ZC3H7A: variants seen among roughly 807,000 people sequenced by gnomAD.
ZC3H7A encodes the protein zinc finger CCCH domain-containing protein 7A.
ZC3H7A carries 44 observed loss-of-function variants against 125.5 expected under a neutral mutation model. The ratio of observed to expected loss-of-function variants is 0.35; its 90% confidence interval spans 0.28 to 0.45. The LOEUF (loss-of-function observed/expected upper bound fraction) is 0.45. ZC3H7A is among the 20% of genes least tolerant of loss of function. The probability of loss-of-function intolerance (pLI) is 1.00; values close to 1 mark genes in which losing one functional copy is unlikely to be tolerated. For synonymous variants in ZC3H7A, 399 were observed against 391.2 expected (o/e 1.02, Z -0.23); for missense variants, 977 against 1,170.7 (o/e 0.83, Z 2.41).
At chr16:11,781,398 T>C in intron 3 of ZC3H7A, 27 bp downstream of exon 3, 1 of 1,593,486 alleles carries the variant, frequency 6.3e-7, no homozygotes, top group East Asian at 2.2e-5. Context: ...TGCAGAGCTT[T>C]CAAGCAGACC....
chr16:11,782,477 A>C (rs1259129112), intron 1 of ZC3H7A, 89 bp from the exon 2 acceptor site: 1 of 1,087,978 alleles, frequency 9.2e-7, no homozygotes, highest in Non-Finnish European at 1.4e-6. Flanking sequence ...CTTGTCACAC[A>C]ATCAGCTGTG....
rs767594691 is a variant in ZC3H7A at position 11,751,163 on chromosome 16, C to A, written c.*154G>T. 230 of 737,002 alleles carry A rather than the reference C, an allele frequency of 3.1e-4. No homozygotes were observed. Among genetic ancestry groups the A allele is most frequent in the Non-Finnish European group, 4.2e-4 (200 of 473,882 alleles). 45.7% of individuals were successfully genotyped at this position (737,002 alleles called of 1,614,324 possible). ...GAGCGTGGCCAGGCCTGTGAAACAGCCCATTTTCCTACCTACTGTGGGTTG... is the reference window on the plus strand; with the variant it reads ...GAGCGTGGCCAGGCCTGTGAAACAGACCATTTTCCTACCTACTGTGGGTTG... On this transcript the variant is annotated 3_prime_UTR_variant, in exon 23 of 23. Coordinates refer to ENST00000355758, the MANE Select transcript of ZC3H7A (RefSeq NM_014153.4).
intron 5 of ZC3H7A, 29 bp from the exon 6 acceptor site, chr16:11,776,561 AG>A: frequency 6.4e-7 from 1 of 1,573,868 alleles, no homozygotes; most frequent in Non-Finnish European, 8.6e-7. Flanking sequence ...TATAATTAAC[AG>A]GGTTATATTT....
At chr16:11,770,665 C>T in intron 10 of ZC3H7A, 118 bp downstream of exon 10, 1 of 1,008,242 alleles carries the variant, frequency 9.9e-7, no homozygotes, top group African/African-American at 1.6e-5. Flanking sequence ...ATATTTTTAG[C>T]TACAAAGAAA....
intron 19 of ZC3H7A, 39 bp downstream of exon 19, chr16:11,761,367 C>T (rs2052749713): frequency 4.5e-6 from 7 of 1,568,876 alleles, no homozygotes; most frequent in Non-Finnish European, 6.1e-6. Context: ...ATTTGAAATG[C>T]CTAATTTAAA....
rs142294163 is a variant in ZC3H7A at position 11,754,224 on chromosome 16, A to T, written c.2563-1392T>A. 5.6e-3 allele frequency among the ~76,000 whole-genome samples: 792 copies of T among 140,270 alleles called. 2 individuals carry two copies. Among genetic ancestry groups the T allele is most frequent in the African/African-American group, 0.02 (748 of 37,400 alleles). The allele number at this position is 140,270 out of a possible 152,430, so 92.0% of individuals were successfully genotyped here. A position where few individuals can be genotyped will look rare whatever the true frequency, so the allele number is the denominator to read the frequency against. On this transcript the variant is annotated intron_variant, in intron 21 of 22. Coordinates refer to ENST00000355758, the MANE Select transcript of ZC3H7A (RefSeq NM_014153.4). ...GGAGGATCACCTGAGCCCAGGAGGT[A>T]GTGGCTGCAGTGAGCCATAACTGTG... is the stretch of plus-strand genomic sequence containing the variant.
At chr16:11,761,356 G>C (rs1360462013) in intron 19 of ZC3H7A, 50 bp downstream of exon 19, 1 of 1,519,058 alleles carries the variant, frequency 6.6e-7, no homozygotes, top group Non-Finnish European at 9.1e-7. Context: ...ATTTTCTAAT[G>C]ATTTGAAATG....
chr16:11,758,542 G>A lies in ZC3H7A; in HGVS notation c.2320-3C>T, dbSNP rs1230285628. Reference sequence around the variant, plus strand: ...CCAGAAGCAATATGGTTGCACAGCTGTATAAAAAAATAGGAATATGATTAA... The same window carrying A: ...CCAGAAGCAATATGGTTGCACAGCTATATAAAAAAATAGGAATATGATTAA... On this transcript the variant is annotated splice_region_variant and splice_polypyrimidine_tract_variant and intron_variant, in intron 19 of 22. Coordinates refer to ENST00000355758, the MANE Select transcript of ZC3H7A (RefSeq NM_014153.4). 1 of 1,605,250 alleles carries A rather than the reference G, an allele frequency of 6.2e-7. No homozygotes were observed. The highest frequency in any genetic ancestry group is 8.5e-7 in the Non-Finnish European group (1 of 1,173,442).
chr16:11,789,464 G>C (rs955624740), intron 1 of ZC3H7A, among the ~76,000 whole-genome samples: 1 of 152,018 alleles, frequency 6.6e-6, no homozygotes, highest in Non-Finnish European at 1.5e-5. Flanking sequence ...ATGTTGGCCA[G>C]GCTGGTCTTG....
chr16:11,760,139 A>AAAAAAAAAG (rs1555493882), intron 19 of ZC3H7A, among the ~76,000 whole-genome samples: 1 of 149,702 alleles, frequency 6.7e-6, no homozygotes, highest in African/African-American at 2.5e-5. Flanking sequence ...AAAAAAAAAA[A>AAAAAAAAAG]AAAAAAGAAA....
chr16:11,754,962 G>A (rs8048497), intron 21 of ZC3H7A, among the ~76,000 whole-genome samples: 96,116 of 148,658 alleles, frequency 0.65, 32,752 homozygotes, highest in African/African-American at 0.85. Flanking sequence ...GTAATCCCAC[G>A]GTTTTGGAAG....
chr16:11,778,013 CTT>C (rs1487924344), intron 4 of ZC3H7A, among the ~76,000 whole-genome samples: 3 of 127,506 alleles, frequency 2.4e-5, no homozygotes, highest in African/African-American at 9.0e-5. Context: ...GAGTGAAACT[CTT>C]GTCTCAAAAA....
Position 11,781,479 on chromosome 16 carries a change from C to G in ZC3H7A, c.69-15G>C, listed in dbSNP as rs1450593597. On this transcript the variant is annotated splice_polypyrimidine_tract_variant and intron_variant, in intron 2 of 22. Coordinates refer to ENST00000355758, the MANE Select transcript of ZC3H7A (RefSeq NM_014153.4). ...ACAGCGGTGACCTAAGAAGAAGAAA[C>G]AAATTAACTGTAATTATCAAGCTCC... 2 of 1,601,572 alleles carry G rather than the reference C, an allele frequency of 1.2e-6. No homozygotes were observed. Among genetic ancestry groups the G allele is most frequent in the Non-Finnish European group, 1.7e-6 (2 of 1,171,476 alleles).
intron 1 of ZC3H7A, among the ~76,000 whole-genome samples, chr16:11,795,199 A>G (rs1351913041): frequency 1.3e-5 from 2 of 152,194 alleles, no homozygotes; most frequent in Non-Finnish European, 2.9e-5. Context: ...GACAAGACCC[A>G]TTGTGCAATT....
chr16:11,780,558 A>G (rs1389151665), intron 3 of ZC3H7A, among the ~76,000 whole-genome samples: 1 of 152,242 alleles, frequency 6.6e-6, no homozygotes, highest in Non-Finnish European at 1.5e-5. Context: ...GACTGGACGG[A>G]TCAACTATTA....
chr16:11,778,737 G>A (rs560349667), intron 4 of ZC3H7A, among the ~76,000 whole-genome samples: 34 of 151,372 alleles, frequency 2.2e-4, no homozygotes, highest in Non-Finnish European at 4.1e-4. Context: ...TTTTTGAGAC[G>A]GAGTCTTGCT....
chr16:11,791,251 C>A lies in ZC3H7A; in HGVS notation c.-35+5873G>T, dbSNP rs1217625634. On this transcript the variant is annotated intron_variant, in intron 1 of 22. Coordinates refer to ENST00000355758, the MANE Select transcript of ZC3H7A (RefSeq NM_014153.4). ...CCCCAAGCCACGCAGCTCCTGCCTC[C>A]CCCAGCTTCACACATGAGGCTCCCG... Among the ~76,000 whole-genome samples the A allele has an allele frequency of 2.0e-5, 3 of 151,978 alleles. No homozygotes were observed. The East Asian group carries it at 5.8e-4, about 29-fold the overall frequency.
intron 13 of ZC3H7A, among the ~76,000 whole-genome samples, chr16:11,766,053 G>T (rs2141178803): frequency 6.6e-6 from 1 of 151,420 alleles, no homozygotes; most frequent in South Asian, 2.1e-4. Context: ...TTTTATCACA[G>T]ACTGTGAGAA....
intron 3 of ZC3H7A, 111 bp downstream of exon 3, chr16:11,781,314 G>T (rs1218202867): frequency 3.3e-6 from 3 of 907,560 alleles, no homozygotes; most frequent in Non-Finnish European, 5.0e-6. Context: ...AAAATAAAAG[G>T]ACAGCAGGCC....
Sources: gnomAD v4.1 joint callset for allele counts (sites outside exome capture counted in the v4.1 genomes callset) on GRCh38, gnomAD v4.1.1 for gene constraint, MANE v1.5 for transcripts, NCBI Gene and HGNC (gene_info 2026-07-23, HGNC 2026-07-21) for gene names.